The following BLTP3A variants were observed in gnomAD, a reference collection of about 807,000 sequenced individuals.
The protein encoded by BLTP3A is bridge-like lipid transfer protein family member 3A.
At chr6:34,877,333 A>G in the BLTP3A span, 1 of 152,680 alleles carries the variant, frequency 6.5e-6, no homozygotes, top group South Asian at 2.1e-4. Context: ...ATTACTGCTA[A>G]TCACTGTCAA....
chr6:34,834,805 A>G, the BLTP3A span: 3 of 1,613,866 alleles, frequency 1.9e-6, no homozygotes, highest in Non-Finnish European at 2.5e-6. Flanking sequence ...CCCAGTCACC[A>G]CTCCATTGAG....
chr6:34,839,769 T>A, the BLTP3A span, among the ~76,000 whole-genome samples: 8 of 152,214 alleles, frequency 5.3e-5, no homozygotes, highest in Non-Finnish European at 1.0e-4. Flanking sequence ...GCTGCGCGGG[T>A]GGCTCTCCCT....
chr6:34,856,936 A>C, the BLTP3A span: 1 of 1,608,402 alleles, frequency 6.2e-7, no homozygotes, highest in Non-Finnish European at 8.5e-7. Flanking sequence ...CCAGGTGAGG[A>C]CATGAGGAAA....
At chr6:34,834,474 AT>A in the BLTP3A span, 2 of 1,574,578 alleles carry the variant, frequency 1.3e-6, no homozygotes, top group Admixed American at 3.6e-5. Context: ...TTCTTAAAGG[AT>A]ATTATTCCCA....
chr6:34,805,735 C>CAAAAAAAAAAAAAAAAAAAAAAAAA, the BLTP3A span, among the ~76,000 whole-genome samples: 1 of 73,722 alleles, frequency 1.4e-5, no homozygotes, highest in Non-Finnish European at 2.7e-5. Flanking sequence ...GACCCTATCT[C>CAAAAAAAAAAAAAAAAAAAAAAAAA]AAAAAAAAAA....
chr6:34,841,883 C>T, the BLTP3A span, among the ~76,000 whole-genome samples: 68 of 152,286 alleles, frequency 4.5e-4, no homozygotes, highest in Middle Eastern at 6.8e-3. Flanking sequence ...AGAGTACCAC[C>T]TACTTTTTAA....
At chr6:34,862,046 T>G in the BLTP3A span, among the ~76,000 whole-genome samples, 1 of 152,222 alleles carries the variant, frequency 6.6e-6, no homozygotes, top group Admixed American at 6.5e-5. Flanking sequence ...ACTTTAATCT[T>G]TGGAATATTT....
At chr6:34,811,922 T>C in the BLTP3A span, among the ~76,000 whole-genome samples, 2 of 151,760 alleles carry the variant, frequency 1.3e-5, no homozygotes, top group Admixed American at 1.3e-4. Flanking sequence ...CCTAGCTCCT[T>C]GGGAGGCTGA....
chr6:34,870,371 G>T, the BLTP3A span, among the ~76,000 whole-genome samples: 1 of 152,170 alleles, frequency 6.6e-6, no homozygotes, highest in African/African-American at 2.4e-5. Context: ...AAATGTGTAA[G>T]TTGTTCCACA....
chr6:34,821,425 G>GTCGCC, the BLTP3A span: 2 of 490,468 alleles, frequency 4.1e-6, no homozygotes, highest in South Asian at 2.8e-5. Context: ...GAGATGGTGT[G>GTCGCC]GTCTGAGTGC....
At chr6:34,814,457 G>A in the BLTP3A span, among the ~76,000 whole-genome samples, 118 of 152,282 alleles carry the variant, frequency 7.7e-4, no homozygotes, top group African/African-American at 2.7e-3. Context: ...AAACTGAAAA[G>A]TGAAAAAGCG....
chr6:34,847,218 TTC>T, the BLTP3A span, among the ~76,000 whole-genome samples: 1 of 152,196 alleles, frequency 6.6e-6, no homozygotes, highest in South Asian at 2.1e-4. Context: ...GCCTGTAGTT[TTC>T]TGTTTTCTTT....
the BLTP3A span, among the ~76,000 whole-genome samples, chr6:34,809,254 G>A: frequency 0.44 from 67,370 of 151,762 alleles, 16,916 homozygotes; most frequent in African/African-American, 0.69. Flanking sequence ...TTAGTTGGGC[G>A]TGGTGGTGCA....
the BLTP3A span, chr6:34,823,238 TC>T: frequency 2.5e-6 from 4 of 1,603,550 alleles, no homozygotes; most frequent in Admixed American, 6.7e-5. Flanking sequence ...TGCTTAGTTC[TC>T]CTTGACTTCT....
chr6:34,870,917 G>A, the BLTP3A span: 196 of 1,614,160 alleles, frequency 1.2e-4, 1 homozygote, highest in African/African-American at 2.0e-3. Flanking sequence ...GTGGGCCTTC[G>A]CTTTGAGGTG....
the BLTP3A span, chr6:34,872,512 C>T: frequency 2.7e-6 from 4 of 1,506,112 alleles, no homozygotes; most frequent in Non-Finnish European, 2.6e-6. Flanking sequence ...ACAGAGGGCA[C>T]TGTCCAGTGC....
At chr6:34,817,884 C>T in the BLTP3A span, among the ~76,000 whole-genome samples, 12 of 149,210 alleles carry the variant, frequency 8.0e-5, no homozygotes, top group Non-Finnish European at 1.6e-4. Context: ...GGTGGAGTCT[C>T]GCTCTGTCGC....
the BLTP3A span, among the ~76,000 whole-genome samples, chr6:34,868,405 A>G: frequency 6.6e-6 from 1 of 151,610 alleles, no homozygotes; most frequent in Non-Finnish European, 1.5e-5. Flanking sequence ...ACCAGCCTGA[A>G]CAACATAGCA....
At chr6:34,794,548 A>T in the BLTP3A span, among the ~76,000 whole-genome samples, 10 of 152,336 alleles carry the variant, frequency 6.6e-5, 1 homozygote, top group East Asian at 1.9e-3. Flanking sequence ...AAGAGGAAGG[A>T]GCAGTTATAA....
Sources: gnomAD v4.1 joint callset for allele counts (sites outside exome capture counted in the v4.1 genomes callset) on GRCh38, gnomAD v4.1.1 for gene constraint, MANE v1.5 for transcripts, NCBI Gene and HGNC (gene_info 2026-07-23, HGNC 2026-07-21) for gene names.